The following AKR7A3 variants were observed in gnomAD, a reference collection of about 807,000 sequenced individuals.
AKR7A3 encodes the protein AFB1 aldehyde reductase 2.
AKR7A3 carries 37 observed loss-of-function variants against 32.5 expected under a neutral mutation model. The observed-to-expected ratio is 1.14, with a 90% CI of 0.88 to 1.50. The LOEUF is 1.50. Ranked by LOEUF, AKR7A3 falls within the 40% of genes most tolerant of loss-of-function variation. The probability of loss-of-function intolerance (pLI) is 0.00; values close to 1 mark genes in which losing one functional copy is unlikely to be tolerated. For missense variants in AKR7A3, 412 were observed against 453.2 expected (o/e 0.91, Z 0.83); for synonymous variants, 177 against 188.4 (o/e 0.94, Z 0.50).
chr1:19,284,562 C>T (rs2795377), intron 5 of AKR7A3, 124 bp downstream of exon 5: 47 of 1,090,960 alleles, frequency 4.3e-5, no homozygotes, highest in Non-Finnish European at 6.1e-5. Flanking sequence ...TGGAAATTCC[C>T]GAAGAAATTC....
At chr1:19,276,734 A>C in the AKR7A3 span, among the ~76,000 whole-genome samples, 1 of 151,802 alleles carries the variant, frequency 6.6e-6, no homozygotes, top group Non-Finnish European at 1.5e-5. Context: ...CCTGGGAGAC[A>C]GAGGTTGCAG....
the AKR7A3 span, among the ~76,000 whole-genome samples, chr1:19,274,546 G>C: frequency 6.6e-6 from 1 of 151,778 alleles, no homozygotes; most frequent in Non-Finnish European, 1.5e-5. Flanking sequence ...TGGTCCTGGA[G>C]GATGAGGCTT....
downstream of AKR7A3, chr1:19,282,495 T>G (rs74870720): frequency 0.033 from 22,940 of 692,012 alleles, 453 homozygotes; most frequent in South Asian, 0.053. Context: ...GTGAGCCAAA[T>G]AAACCTCTTT....
chr1:19,279,429 T>C (rs1363341914), downstream of AKR7A3, among the ~76,000 whole-genome samples: 5 of 152,034 alleles, frequency 3.3e-5, no homozygotes, highest in African/African-American at 1.2e-4. Context: ...TTTTCACTTC[T>C]CTTGGCTATA....
chr1:19,274,269 T>C, the AKR7A3 span: 19 of 1,152,220 alleles, frequency 1.6e-5, no homozygotes, highest in Non-Finnish European at 2.0e-5. Flanking sequence ...GAGGACCGTC[T>C]GCACTTGCAC....
At chr1:19,280,038 C>A (rs2093716524), downstream of AKR7A3, among the ~76,000 whole-genome samples, 1 of 151,682 alleles carries the variant, frequency 6.6e-6, no homozygotes, top group African/African-American at 2.4e-5. Context: ...GATTGGACAC[C>A]CCTGGTCTAG....
intron 6 of AKR7A3, 41 bp from the exon 7 acceptor site, chr1:19,282,933 A>T (rs766583352): frequency 6.3e-7 from 1 of 1,592,596 alleles, no homozygotes; most frequent in East Asian, 2.2e-5. Flanking sequence ...CTTCTGCTGC[A>T]CAGCGACTCT....
the AKR7A3 span, among the ~76,000 whole-genome samples, chr1:19,276,144 C>T: frequency 3.3e-5 from 5 of 151,260 alleles, no homozygotes; most frequent in African/African-American, 7.3e-5. Flanking sequence ...GGGTGGATCA[C>T]GAGGTCAGGA....
At position 19,286,042 on chromosome 1, in the gene AKR7A3, A is replaced by G. The variant is rs1558132161; in HGVS notation, c.403-50T>C. On this transcript the variant is annotated intron_variant, in intron 2 of 6. Transcript: ENST00000361640. ...AACATAGTGCAGCCCAGACCAGGAA[A>G]GGGAGGCCAGGGTGGGGCCCCTGGG... The G allele has an allele frequency of 1.9e-6, 3 of 1,608,632 alleles. No homozygotes were observed. The South Asian group carries it at 3.3e-5, about 18-fold the overall frequency.
rs747146299 is a variant in AKR7A3, at chr1:19,282,850, C to A, written c.877G>T (p.Glu293Ter). The change falls in exon 7 of 7, where the codon GAG becomes TAG. Residue 293 changes from glutamate to a stop codon, truncating the protein, a stop_gained. Transcript: ENST00000361640. LOFTEE classifies it high-confidence loss of function. ...DAVILGMSSL[E>*]QLEQNLAAAE... ...GCTGCCAAGTTCTGCTCCAGCTGCT[C>A]CAGGCTGGACATGCCCAGGATGACC... 3.1e-6 allele frequency: 5 copies of A among 1,612,872 alleles called. No homozygotes were observed. The highest frequency in any genetic ancestry group is 4.2e-6 in the Non-Finnish European group (5 of 1,179,806).
chr1:19,284,219 C>A (rs1375569613), intron 5 of AKR7A3, 94 bp from the exon 6 acceptor site: 2 of 1,488,764 alleles, frequency 1.3e-6, no homozygotes, highest in Non-Finnish European at 1.8e-6. Context: ...CCACACCCTG[C>A]AGCCCTGAGG....
At chr1:19,286,706 A>C (rs902683769) in intron 1 of AKR7A3, among the ~76,000 whole-genome samples, 25 of 151,966 alleles carry the variant, frequency 1.6e-4, no homozygotes, top group Non-Finnish European at 2.2e-4. Context: ...CAAACAACAA[A>C]AAAAAAGAAT....
chr1:19,286,270 C>G lies in AKR7A3; in HGVS notation c.317G>C (p.Arg106Pro). 2.5e-6 allele frequency: 4 copies of G among 1,613,822 alleles called. No individual in the cohort carries two copies. Among genetic ancestry groups the G allele is most frequent in the Non-Finnish European group, 3.4e-6 (4 of 1,180,022 alleles). The change falls in exon 2 of 7, where the codon CGA becomes CCA. Residue 106 changes from arginine (R) to proline (P), a missense_variant. Arg to Pro is a moderately radical substitution (Grantham distance 103). Transcript: ENST00000361640. ...CATATGCAGGTAGAAGAGGTCCACT[C>G]GGGGACACTGCAGCCGCTTCAGTGA... ...ETSLKRLQCP[R>P]VDLFYLHMPD...
At chr1:19,286,036 C>A (rs369685526) in intron 2 of AKR7A3, 44 bp from the exon 3 acceptor site, 34 of 1,610,948 alleles carry the variant, frequency 2.1e-5, no homozygotes, top group Non-Finnish European at 2.8e-5. Flanking sequence ...CAGCCCAGAC[C>A]AGGAAAGGGA....
chr1:19,286,384 G>C lies in AKR7A3; in HGVS notation c.215-12C>G. The C allele has an allele frequency of 6.2e-7, 1 of 1,612,556 alleles. No homozygotes were observed. Among genetic ancestry groups the C allele is most frequent in the Non-Finnish European group, 8.5e-7 (1 of 1,179,088 alleles). On this transcript the variant is annotated splice_polypyrimidine_tract_variant and intron_variant, in intron 1 of 6. Transcript: ENST00000361640. ...GGTATCAATTTTCACTGAGAGGAAA[G>C]AGAAATGAAATTCAGGGCCAGGCGC...
At chr1:19,287,838 C>A (rs2093733514) in intron 1 of AKR7A3, among the ~76,000 whole-genome samples, 1 of 152,168 alleles carries the variant, frequency 6.6e-6, no homozygotes. Flanking sequence ...GTGTCCATTT[C>A]TCTCCAATAG....
At chr1:19,276,766 C>T in the AKR7A3 span, among the ~76,000 whole-genome samples, 6 of 151,676 alleles carry the variant, frequency 4.0e-5, no homozygotes, top group African/African-American at 1.5e-4. Flanking sequence ...CATGCCACTG[C>T]ATTCCAGCCT....
At position 19,287,251 on chromosome 1, in the gene AKR7A3, T is replaced by C. The variant is rs549843400; in HGVS notation, c.215-879A>G. On this transcript the variant is annotated intron_variant, in intron 1 of 6. Coordinates refer to ENST00000361640, the MANE Select transcript of AKR7A3 (RefSeq NM_012067.3). ...GAGCCCTGAGAGGTCAAAGCTGCAA[T>C]GAGCCCTATCGCACCACTCCACTCC... Among the ~76,000 whole-genome samples, 286 of 148,718 alleles carry C rather than the reference T, an allele frequency of 1.9e-3. 1 individual carries two copies. Among genetic ancestry groups the C allele is most frequent in the Non-Finnish European group, 3.4e-3 (231 of 67,656 alleles).
At chr1:19,287,775 T>C (rs2093733437) in intron 1 of AKR7A3, among the ~76,000 whole-genome samples, 1 of 151,884 alleles carries the variant, frequency 6.6e-6, no homozygotes, top group Non-Finnish European at 1.5e-5. Flanking sequence ...CAGGAAGGGG[T>C]CACTCTGGGC....
Sources: gnomAD v4.1 joint callset for allele counts (sites outside exome capture counted in the v4.1 genomes callset) on GRCh38, gnomAD v4.1.1 for gene constraint, MANE v1.5 for transcripts, NCBI Gene and HGNC (gene_info 2026-07-23, HGNC 2026-07-21) for gene names.